Variants in ZNF831 observed in about 807,000 individuals in gnomAD.
The protein encoded by ZNF831 is zinc finger protein 831.
A neutral mutation model predicts 95.8 loss-of-function variants in ZNF831; 59 were observed. The ratio of observed to expected loss-of-function variants is 0.62; its 90% confidence interval spans 0.50 to 0.77. The LOEUF (loss-of-function observed/expected upper bound fraction) is 0.77. Ranked by LOEUF, ZNF831 falls within the 30% of genes least tolerant of loss-of-function variation. The pLI is 0.00. For synonymous variants in ZNF831, 961 were observed against 925.5 expected, an observed-to-expected ratio of 1.04 and a Z score of -0.70; for missense variants, 2,205 against 2,164.0, an observed-to-expected ratio of 1.02 and a Z score of -0.38.
intron 2 of ZNF831, among the ~76,000 whole-genome samples, chr20:59,149,876 G>A (rs970627047): frequency 3.9e-5 from 6 of 152,250 alleles, no homozygotes; most frequent in Non-Finnish European, 7.3e-5. Context: ...GAGGCCCTGA[G>A]GGGGGCTGTC....
chr20:59,244,671 A>G (rs999370096), intron 4 of ZNF831, among the ~76,000 whole-genome samples: 1 of 152,258 alleles, frequency 6.6e-6, no homozygotes, highest in African/African-American at 2.4e-5. Flanking sequence ...TTCTCCACTC[A>G]TAAACAAATA....
chr20:59,236,568 T>C (rs1228384446), intron 4 of ZNF831, among the ~76,000 whole-genome samples: 1 of 151,354 alleles, frequency 6.6e-6, no homozygotes, highest in Non-Finnish European at 1.5e-5. Context: ...TGCTTTTTTT[T>C]TTTTTTTTTC....
At chr20:59,124,015 G>A (rs1601286704) in intron 1 of ZNF831, among the ~76,000 whole-genome samples, 2 of 152,212 alleles carry the variant, frequency 1.3e-5, no homozygotes, top group Non-Finnish European at 2.9e-5. Context: ...CTCCTGCCAG[G>A]AGAACCTTTA....
At position 59,244,243 on chromosome 20, in the gene ZNF831, C is replaced by A. The variant is rs185062149; in HGVS notation, c.4028-8735C>A. 2.6e-5 allele frequency among the ~76,000 whole-genome samples: 4 copies of A among 152,182 alleles called. No homozygotes were observed. In the East Asian group the frequency reaches 7.7e-4, roughly 29 times the overall value. ...AAGTTTCAAAAAAAATAGGATAGTA[C>A]AGAAATACTCTAGATTTGGCTAGAG... On this transcript the variant is annotated intron_variant, in intron 4 of 5. Coordinates refer to ENST00000371030, the MANE Select transcript of ZNF831 (RefSeq NM_178457.3).
intron 4 of ZNF831, among the ~76,000 whole-genome samples, chr20:59,213,375 T>G (rs573820980): frequency 5.3e-4 from 81 of 152,324 alleles, no homozygotes; most frequent in African/African-American, 1.9e-3. Context: ...ATTCTCAAAG[T>G]CCTTAATACT....
At chr20:59,124,868 C>T (rs1979120572) in intron 1 of ZNF831, among the ~76,000 whole-genome samples, 2 of 152,178 alleles carry the variant, frequency 1.3e-5, no homozygotes, top group African/African-American at 4.8e-5. Flanking sequence ...CTCCTCCACG[C>T]TGGGAGTGTG....
Position 59,169,988 on chromosome 20 carries a change from ACCTATTTCTTCTCCTACCTTTATTATCT to A in ZNF831, c.-37+5785_-37+5812del, listed in dbSNP as rs1262851263. On this transcript the variant is annotated intron_variant, in intron 1 of 5. Coordinates refer to ENST00000371030, the MANE Select transcript of ZNF831 (RefSeq NM_178457.3). This position sits in a 1 kb window ranked among gnomAD's most constrained non-coding sequence, Gnocchi z 4.1. The stretch of plus-strand genomic sequence containing the variant: ...TCTATTATTTTTCTGTTTTGATTTG[ACCTATTTCTTCTCCTACCTTTATTATCT>A]CCTTTCTTCCGCTTGCTCTGGATTT... 2.6e-4 allele frequency among the ~76,000 whole-genome samples: 39 copies of A among 151,798 alleles called. No homozygotes were observed. Among genetic ancestry groups the A allele is most frequent in the African/African-American group, 9.4e-4 (39 of 41,422 alleles).
intron 1 of ZNF831, among the ~76,000 whole-genome samples, chr20:59,166,430 A>G (rs951573490): frequency 1.3e-5 from 2 of 152,184 alleles, no homozygotes; most frequent in African/African-American, 4.8e-5. Context: ...GAGAGATCCC[A>G]TGTGTTTTTT....
chr20:59,189,673 G>A (rs913246352), intron 1 of ZNF831, among the ~76,000 whole-genome samples: 4 of 152,150 alleles, frequency 2.6e-5, no homozygotes, highest in South Asian at 4.1e-4. Flanking sequence ...CACCATGCCC[G>A]GCTAATTTTG....
rs771979882 is a variant in ZNF831 at position 59,254,082 on chromosome 20, C to T, written c.4373C>T (p.Ser1458Leu). Residue 1458 changes from serine to leucine, a missense_variant, in exon 6 of 6, where the codon TCA becomes TTA. Ser to Leu is a moderately radical substitution (Grantham distance 145). Coordinates refer to ENST00000371030, the MANE Select transcript of ZNF831 (RefSeq NM_178457.3). This position sits in a 1 kb window ranked among gnomAD's most constrained non-coding sequence, Gnocchi z 4.5. ...CTGCTGGCCTCCCAGGATTCAGTCT[C>T]AACAGATCCCAAACCATACATCTTC... ...TQLLASQDSV[S>L]TDPKPYIFSD... 2.5e-6 allele frequency: 4 copies of T among 1,614,128 alleles called. No homozygotes were observed.
At chr20:59,214,107 T>A (rs376293499) in intron 4 of ZNF831, among the ~76,000 whole-genome samples, 1 of 152,138 alleles carries the variant, frequency 6.6e-6, no homozygotes, top group Non-Finnish European at 1.5e-5. Flanking sequence ...ACTGCTGAGA[T>A]GAAAGAAGGA....
intron 4 of ZNF831, among the ~76,000 whole-genome samples, chr20:59,250,644 GACA>G (rs890602923): frequency 2.6e-5 from 4 of 151,992 alleles, no homozygotes; most frequent in African/African-American, 7.3e-5. Context: ...CTTCAACAAC[GACA>G]ACAACAACAA....
intron 2 of ZNF831, among the ~76,000 whole-genome samples, chr20:59,149,944 G>A (rs775091865): frequency 8.5e-5 from 13 of 152,218 alleles, no homozygotes; most frequent in Non-Finnish European, 1.5e-4. Flanking sequence ...CCCATCCAAC[G>A]CCAGCGCCAG....
chr20:59,133,983 T>C (rs1979427855), intron 1 of ZNF831, among the ~76,000 whole-genome samples: 1 of 152,218 alleles, frequency 6.6e-6, no homozygotes, highest in African/African-American at 2.4e-5. Context: ...ATGGTGGGGC[T>C]GCTGCTCTTT....
At position 59,194,497 on chromosome 20, in the gene ZNF831, C is replaced by T. The variant is rs200526315; in HGVS notation, c.3478C>T (p.Arg1160Trp). 256 of 1,611,472 alleles carry T rather than the reference C, an allele frequency of 1.6e-4. 1 individual carries two copies. In the African/African-American group the frequency reaches 2.5e-3, roughly 16 times the overall value. ...CTTGTCTTCCCACTCAGGGACGTCC[C>T]GGAGCCACAGCACCCGCAGTCCCCA... The part of the protein sequence containing the change: ...LALSSHSGTS[R>W]SHSTRSPHST... The change falls in exon 2 of 6, where the codon CGG (arginine) becomes TGG (tryptophan). Residue 1160 changes from arginine to tryptophan, a missense_variant. Transcript: ENST00000371030.
chr20:59,195,242 G>GA (rs1983996465), intron 2 of ZNF831, among the ~76,000 whole-genome samples: 1 of 152,192 alleles, frequency 6.6e-6, no homozygotes, highest in Admixed American at 6.5e-5. Flanking sequence ...AGAAAAGGGG[G>GA]AAATGTGGTG....
At chr20:59,125,028 G>A (rs1159298851) in intron 1 of ZNF831, among the ~76,000 whole-genome samples, 1 of 152,162 alleles carries the variant, frequency 6.6e-6, no homozygotes, top group Non-Finnish European at 1.5e-5. Context: ...GCCTGCTGGG[G>A]CCTTCTGAAA....
intron 4 of ZNF831, among the ~76,000 whole-genome samples, chr20:59,238,324 A>G (rs1206941692): frequency 1.3e-5 from 2 of 152,180 alleles, no homozygotes; most frequent in Non-Finnish European, 2.9e-5. Flanking sequence ...AGAGCTGGGA[A>G]GCTGGTTCCC....
At chr20:59,242,269 T>C (rs1259856352) in intron 4 of ZNF831, among the ~76,000 whole-genome samples, 1 of 152,214 alleles carries the variant, frequency 6.6e-6, no homozygotes, top group African/African-American at 2.4e-5. Flanking sequence ...GATGCAAATC[T>C]TGAGGAAAAA....
Sources: gnomAD v4.1 joint callset for allele counts (sites outside exome capture counted in the v4.1 genomes callset) on GRCh38, gnomAD v4.1.1 for gene constraint, Gnocchi (gnomAD v3.1) non-coding constraint, MANE v1.5 for transcripts, NCBI Gene and HGNC (gene_info 2026-07-23, HGNC 2026-07-21) for gene names.